The following RHOH variants were observed in gnomAD, a reference collection of about 807,000 sequenced individuals.
RHOH encodes ras homolog family member H, also known as rho-related GTP-binding protein RhoH.
Under a neutral mutation model 13.8 loss-of-function variants are expected in RHOH, and 6 were observed. That is an observed-to-expected ratio of 0.44 (90% CI 0.24 to 0.86). The LOEUF (loss-of-function observed/expected upper bound fraction) is 0.86. Ranked by LOEUF, RHOH falls within the 40% of genes least tolerant of loss-of-function variation. RHOH has a pLI of 0.24. For synonymous variants in RHOH, 117 were observed against 103.0 expected, an observed-to-expected ratio of 1.14 and a Z score of -0.82; for missense variants, 147 against 244.5, an observed-to-expected ratio of 0.60 and a Z score of 2.66.
upstream of RHOH, chr4:40,193,161 A>G (rs1268397320): frequency 1.3e-5 from 2 of 152,366 alleles, no homozygotes; most frequent in Non-Finnish European, 2.9e-5. Context: ...CGTGCTATGG[A>G]GCCCTTGGGA....
intron 1 of RHOH, among the ~76,000 whole-genome samples, chr4:40,210,089 C>CGTGCGTGTGTGT (rs1553933900): frequency 8.2e-5 from 12 of 145,458 alleles, no homozygotes; most frequent in African/African-American, 3.0e-4. Flanking sequence ...ACATTGTGTG[C>CGTGCGTGTGTGT]GTGTGTGTGT....
intron 1 of RHOH, among the ~76,000 whole-genome samples, chr4:40,242,070 C>T (rs1210219001): frequency 1.3e-5 from 2 of 152,240 alleles, no homozygotes; most frequent in African/African-American, 4.8e-5. Flanking sequence ...ATAACCTTTA[C>T]TCTGAATTTT....
At chr4:40,225,991 CTTG>C (rs764554827) in intron 1 of RHOH, among the ~76,000 whole-genome samples, 2 of 152,156 alleles carry the variant, frequency 1.3e-5, no homozygotes, top group African/African-American at 4.8e-5. Flanking sequence ...CACATGCAGT[CTTG>C]TTGTAATGAT....
At chr4:40,232,560 C>T (rs1728071621) in intron 1 of RHOH, among the ~76,000 whole-genome samples, 1 of 152,152 alleles carries the variant, frequency 6.6e-6, no homozygotes, top group Non-Finnish European at 1.5e-5. Context: ...TGGCTAGTAA[C>T]ATTTTATGTG....
intron 1 of RHOH, among the ~76,000 whole-genome samples, chr4:40,237,442 G>A (rs1213158006): frequency 6.6e-6 from 1 of 150,432 alleles, no homozygotes; most frequent in African/African-American, 2.5e-5. Context: ...GGGACAGAGT[G>A]AGACTCCGTC....
intron 1 of RHOH, among the ~76,000 whole-genome samples, chr4:40,211,516 C>T (rs981231431): frequency 3.9e-5 from 6 of 152,088 alleles, no homozygotes; most frequent in Admixed American, 6.6e-5. Flanking sequence ...TCAAGTGATC[C>T]GCCTGCCTCG....
intron 1 of RHOH, among the ~76,000 whole-genome samples, chr4:40,202,115 T>C (rs1048652079): frequency 6.6e-6 from 1 of 151,916 alleles, no homozygotes; most frequent in Non-Finnish European, 1.5e-5. Context: ...CACACTTGGC[T>C]AACTTTTTTT....
At chr4:40,202,540 G>C (rs752744687) in intron 1 of RHOH, among the ~76,000 whole-genome samples, 1 of 152,194 alleles carries the variant, frequency 6.6e-6, no homozygotes, top group Non-Finnish European at 1.5e-5. Flanking sequence ...CATTTAGGAG[G>C]AAGGCTATGA....
chr4:40,211,595 G>A (rs191955186), intron 1 of RHOH, among the ~76,000 whole-genome samples: 51 of 152,248 alleles, frequency 3.3e-4, no homozygotes, highest in African/African-American at 1.1e-3. Context: ...ACATTTAAGC[G>A]TCATAGGTGA....
chr4:40,196,212 C>T (rs1421847100), upstream of RHOH, among the ~76,000 whole-genome samples: 7 of 152,226 alleles, frequency 4.6e-5, no homozygotes, highest in Non-Finnish European at 7.3e-5. Context: ...TTTATCCTTA[C>T]GGTCGGCAGG....
intron 1 of RHOH, chr4:40,205,917 T>A (rs569213954): frequency 6.6e-6 from 1 of 152,168 alleles, no homozygotes; most frequent in Non-Finnish European, 1.5e-5. Context: ...ATAACAAATA[T>A]GTTCCAGTAA....
intron 1 of RHOH, among the ~76,000 whole-genome samples, chr4:40,226,622 C>G (rs1298166274): frequency 6.6e-6 from 1 of 152,116 alleles, no homozygotes; most frequent in Non-Finnish European, 1.5e-5. Flanking sequence ...ATATCGGCAG[C>G]CTTACACACT....
chr4:40,204,083 A>C (rs1473270405), intron 1 of RHOH, among the ~76,000 whole-genome samples: 1 of 152,244 alleles, frequency 6.6e-6, no homozygotes, highest in Non-Finnish European at 1.5e-5. Flanking sequence ...TTATATCACA[A>C]AATAAACATA....
Position 40,246,547 on chromosome 4 carries a change from T to C in RHOH, c.*2585T>C, listed in dbSNP as rs1010653489. The C allele has an allele frequency of 3.9e-5, 6 of 152,244 alleles. No homozygotes were observed. Among genetic ancestry groups the C allele is most frequent in the African/African-American group, 1.2e-4 (5 of 41,436 alleles). 9.4% of individuals were successfully genotyped at this position (152,244 alleles called of 1,614,324 possible). On this transcript the variant is annotated 3_prime_UTR_variant, in exon 3 of 3. Coordinates refer to ENST00000381799, the MANE Select transcript of RHOH (RefSeq NM_004310.5). ...TTCCAGTGGCAGAATCTGGCAGAAA[T>C]GGAGCCGATAAGTGTCTGTCTTCCT...
At chr4:40,206,477 A>C (rs1724648253) in intron 1 of RHOH, among the ~76,000 whole-genome samples, 1 of 152,208 alleles carries the variant, frequency 6.6e-6, no homozygotes, top group Admixed American at 6.5e-5. Flanking sequence ...AATTTAAATG[A>C]TGTAAAATCA....
chr4:40,222,192 G>A (rs1424245453), intron 1 of RHOH, among the ~76,000 whole-genome samples: 1 of 152,232 alleles, frequency 6.6e-6, no homozygotes, highest in African/African-American at 2.4e-5. Context: ...AGGTCCTGAT[G>A]AATAAACTAC....
rs1729746115 is a variant in RHOH at position 40,246,015 on chromosome 4, T to C, written c.*2053T>C. On this transcript the variant is annotated 3_prime_UTR_variant, in exon 3 of 3. Coordinates refer to ENST00000381799, the MANE Select transcript of RHOH (RefSeq NM_004310.5). ...CCTCTAAGTCACCCGCCTCCCTTGA[T>C]TGGAGAGCCCGTGTCTCTAGTTCTC... 2 of 152,136 alleles carry C rather than the reference T, an allele frequency of 1.3e-5. No homozygotes were observed. Among genetic ancestry groups the C allele is most frequent in the South Asian group, 4.1e-4 (2 of 4,826 alleles). The allele number at this position is 152,136 out of a possible 1,614,324, so 9.4% of individuals were successfully genotyped here.
Position 40,237,467 on chromosome 4 carries a change from A to G in RHOH, c.-330-5247A>G, listed in dbSNP as rs190111313. On this transcript the variant is annotated intron_variant, in intron 1 of 2. Coordinates refer to ENST00000381799, the MANE Select transcript of RHOH (RefSeq NM_004310.5). ...GAGACTCCGTCTCAAAAAAAAAAAA[A>G]AAAGAACAAAGCACTCAGCCCCACT... 5.7e-3 allele frequency among the ~76,000 whole-genome samples: 869 copies of G among 152,236 alleles called. 22 individuals carry two copies. Among genetic ancestry groups the G allele is most frequent in the East Asian group, 0.046 (240 of 5,190 alleles).
intron 1 of RHOH, among the ~76,000 whole-genome samples, chr4:40,234,487 G>C (rs931590617): frequency 1.3e-5 from 2 of 152,130 alleles, no homozygotes; most frequent in Non-Finnish European, 2.9e-5. Flanking sequence ...GAAGAGACCA[G>C]TCAGGGCAGA....
Sources: allele counts gnomAD v4.1 joint callset (sites outside exome capture counted in the v4.1 genomes callset), GRCh38; gene constraint gnomAD v4.1.1; transcripts MANE v1.5; gene names NCBI Gene and HGNC (gene_info 2026-07-23, HGNC 2026-07-21).